Variants in ANKS1B observed in about 807,000 individuals in gnomAD.
ANKS1B encodes the protein ankyrin repeat and sterile alpha motif domain-containing protein 1B.
A neutral mutation model predicts 148.3 loss-of-function variants in ANKS1B; 36 were observed. The ratio of observed to expected loss-of-function variants is 0.24; its 90% CI spans 0.19 to 0.32. The LOEUF is 0.32. Among genes scored for constraint, ANKS1B ranks in the 10% least tolerant of loss-of-function variants. The pLI is 1.00. For missense variants in ANKS1B, 1,157 were observed against 1,542.6 expected (o/e 0.75, Z 4.19); for synonymous variants, 542 against 560.8 (o/e 0.97, Z 0.47).
At chr12:99,913,132 C>T (rs1398728396) in intron 1 of ANKS1B, among the ~76,000 whole-genome samples, 2 of 152,162 alleles carry the variant, frequency 1.3e-5, no homozygotes, top group African/African-American at 2.4e-5. Flanking sequence ...TTTGCTTCTA[C>T]CATACTTACT....
At chr12:99,604,010 G>A (rs1273125558) in intron 9 of ANKS1B, among the ~76,000 whole-genome samples, 1 of 152,024 alleles carries the variant, frequency 6.6e-6, no homozygotes, top group Non-Finnish European at 1.5e-5. Context: ...TCCTTTCCCT[G>A]AACTTTCTTG....
chr12:99,483,528 G>C (rs1412151156), intron 10 of ANKS1B, among the ~76,000 whole-genome samples: 1 of 151,888 alleles, frequency 6.6e-6, no homozygotes, highest in Admixed American at 6.6e-5. Flanking sequence ...ATTTAGGAAG[G>C]ATTCCCTCTT....
intron 1 of ANKS1B, among the ~76,000 whole-genome samples, chr12:99,906,845 A>G (rs544976121): frequency 1.3e-5 from 2 of 152,352 alleles, no homozygotes; most frequent in Non-Finnish European, 2.9e-5. Context: ...GAATATAACA[A>G]TAAATAAAAC....
chr12:99,314,985 C>T (rs112400172), intron 12 of ANKS1B, among the ~76,000 whole-genome samples: 8,649 of 152,064 alleles, frequency 0.057, 278 homozygotes, highest in Non-Finnish European at 0.076. Flanking sequence ...TGGCTCACAC[C>T]TGTAATCCCA....
At chr12:99,840,946 C>T (rs928243901) in intron 1 of ANKS1B, among the ~76,000 whole-genome samples, 6 of 152,072 alleles carry the variant, frequency 3.9e-5, no homozygotes, top group African/African-American at 7.2e-5. Context: ...ACCTTTTCAG[C>T]ATATTAAGGA....
Position 99,812,266 on chromosome 12 carries a change from T to C in ANKS1B, c.261A>G (p.Val87=). Residue 87 remains valine, a synonymous_variant, in exon 3 of 27, where the codon GTA becomes GTG. Coordinates refer to ENST00000683438, the MANE Select transcript of ANKS1B (RefSeq NM_001352186.2). ...TAGGAAAATACCCTTTGTTGTCTGC[T>C]ACATTTGTTGATGCCTCATACTGAA... is the stretch of plus-strand genomic sequence containing the variant. ...KLLQYEASTN[V]ADNKGYFPIH... 1 of 1,611,826 alleles carries C rather than the reference T, an allele frequency of 6.2e-7. No homozygotes were observed. Among genetic ancestry groups the C allele is most frequent in the East Asian group, 2.2e-5 (1 of 44,834 alleles).
intron 9 of ANKS1B, among the ~76,000 whole-genome samples, chr12:99,641,929 A>C (rs1220440627): frequency 6.6e-6 from 1 of 152,216 alleles, no homozygotes; most frequent in Non-Finnish European, 1.5e-5. Flanking sequence ...AAACTATAAA[A>C]GTATAAATAG....
At chr12:99,233,059 C>T (rs932137720) in intron 14 of ANKS1B, among the ~76,000 whole-genome samples, 1 of 151,782 alleles carries the variant, frequency 6.6e-6, no homozygotes, top group African/African-American at 2.4e-5. Flanking sequence ...GTTTTGTGCA[C>T]AAAATTATTA....
chr12:99,259,777 T>C (rs1481433379), intron 12 of ANKS1B, among the ~76,000 whole-genome samples: 2 of 146,654 alleles, frequency 1.4e-5, no homozygotes, highest in African/African-American at 4.8e-5. Context: ...CCCACACGTC[T>C]TTCCTCTGTT....
chr12:99,928,279 T>TTA (rs1566017570), intron 1 of ANKS1B, among the ~76,000 whole-genome samples: 14 of 147,560 alleles, frequency 9.5e-5, no homozygotes, highest in Admixed American at 1.3e-4. Flanking sequence ...TTATTTTTTT[T>TTA]TTTTTTTTTT....
chr12:99,390,462 G>A (rs922758766), intron 12 of ANKS1B, among the ~76,000 whole-genome samples: 1 of 152,188 alleles, frequency 6.6e-6, no homozygotes, highest in Non-Finnish European at 1.5e-5. Flanking sequence ...GAAGAGAAAG[G>A]ACATACCAGC....
chr12:99,442,964 G>C (rs2095574744), intron 11 of ANKS1B, among the ~76,000 whole-genome samples: 2 of 151,840 alleles, frequency 1.3e-5, no homozygotes, highest in Admixed American at 6.6e-5. Context: ...GGGTCCATCT[G>C]TTGGCAAAAA....
intron 12 of ANKS1B, among the ~76,000 whole-genome samples, chr12:99,380,509 A>T (rs1238865628): frequency 1.3e-5 from 2 of 152,192 alleles, no homozygotes; most frequent in African/African-American, 4.8e-5. Context: ...TTTTCTAATT[A>T]ATAAAGAAGG....
intron 12 of ANKS1B, among the ~76,000 whole-genome samples, chr12:99,256,267 A>G (rs1013595517): frequency 1.6e-4 from 25 of 151,830 alleles, no homozygotes; most frequent in African/African-American, 5.8e-4. Flanking sequence ...AAAAAGAAAA[A>G]AAAAAGAAAA....
At chr12:99,730,358 T>C (rs896963760) in intron 8 of ANKS1B, among the ~76,000 whole-genome samples, 3 of 152,032 alleles carry the variant, frequency 2.0e-5, no homozygotes, top group African/African-American at 7.2e-5. Context: ...TGGCAGACAA[T>C]TGCACACTCT....
At chr12:98,959,066 G>A (rs1238157771) in intron 17 of ANKS1B, among the ~76,000 whole-genome samples, 1 of 152,126 alleles carries the variant, frequency 6.6e-6, no homozygotes, top group Non-Finnish European at 1.5e-5. Flanking sequence ...TGACAAAAAA[G>A]TATTGATTCT....
At chr12:99,807,678 A>T (rs998651803) in intron 3 of ANKS1B, among the ~76,000 whole-genome samples, 5 of 152,186 alleles carry the variant, frequency 3.3e-5, no homozygotes, top group Non-Finnish European at 5.9e-5. Context: ...ATTATGAGAT[A>T]GATACTATTA....
At chr12:99,853,071 C>T (rs2088251827) in intron 1 of ANKS1B, among the ~76,000 whole-genome samples, 1 of 152,148 alleles carries the variant, frequency 6.6e-6, no homozygotes, top group African/African-American at 2.4e-5. Context: ...AAGCCACGCA[C>T]AAGGAGTCTG....
In ANKS1B at chr12:99,632,767, A is replaced by ATATATATTTTTTTT. The variant is rs1441486862; in HGVS notation, c.1272+22299_1272+22300insAAAAAAAATATATA. Among the ~76,000 whole-genome samples the ATATATATTTTTTTT allele has an allele frequency of 7.0e-5, 5 of 71,314 alleles. 1 individual carries two copies. In the South Asian group the frequency reaches 2.3e-3, roughly 32 times the overall value. 46.8% of individuals were successfully genotyped at this position (71,314 alleles called of 152,430 possible). On this transcript the variant is annotated intron_variant, in intron 9 of 26. Coordinates refer to ENST00000683438, the MANE Select transcript of ANKS1B (RefSeq NM_001352186.2). ...TATATATATATATATATATATATATATTTTAATTATACTTTAAGTTCTAGG... is the reference window on the plus strand; with the variant it reads ...TATATATATATATATATATATATATATATATATTTTTTTTTTTTAATTATACTTTAAGTTCTAGG...
Sources: gnomAD v4.1 joint callset for allele counts (sites outside exome capture counted in the v4.1 genomes callset) on GRCh38, gnomAD v4.1.1 for gene constraint, MANE v1.5 for transcripts, NCBI Gene and HGNC (gene_info 2026-07-23, HGNC 2026-07-21) for gene names.